FARP2: variants seen among roughly 807,000 people sequenced by gnomAD.
The protein encoded by FARP2 is FERM, ARH/RhoGEF and pleckstrin domain protein 2, also known as FERM, ARHGEF and pleckstrin domain-containing protein 2.
A neutral mutation model predicts 130.5 loss-of-function variants in FARP2; 111 were observed. The ratio of observed to expected loss-of-function variants is 0.85; its 90% CI spans 0.73 to 1.00. FARP2 has a LOEUF of 1.00. FARP2 is among the 50% of genes least tolerant of loss of function. The probability of loss-of-function intolerance (pLI) is 0.00; values close to 1 mark genes in which losing one functional copy is unlikely to be tolerated. For synonymous variants in FARP2, 504 were observed against 516.9 expected (o/e 0.98, Z 0.34); for missense variants, 1,385 against 1,346.3 (o/e 1.03, Z -0.45).
Position 241,374,043 on chromosome 2 carries a change from T to C in FARP2, c.183+753T>C, listed in dbSNP as rs114944553. ...TTTTTTTTTTTGAGAAAGGGTGTTGTTCTGTCAACCCAGGCTGGAGTGCAG... is the reference window on the plus strand; with the variant it reads ...TTTTTTTTTTTGAGAAAGGGTGTTGCTCTGTCAACCCAGGCTGGAGTGCAG... On this transcript the variant is annotated intron_variant, in intron 2 of 26. Coordinates refer to ENST00000264042, the MANE Select transcript of FARP2 (RefSeq NM_014808.4). Among the ~76,000 whole-genome samples the C allele has an allele frequency of 4.3e-3, 656 of 151,842 alleles. 4 individuals carry two copies. The highest frequency in any genetic ancestry group is 7.1e-3 in the Non-Finnish European group (485 of 67,912).
At chr2:241,438,803 T>TG (rs55798010) in intron 12 of FARP2, among the ~76,000 whole-genome samples, 151,699 of 151,708 alleles carry the variant, frequency 1, 75,845 homozygotes, top group Middle Eastern at 1. Flanking sequence ...TAATTTTTTT[T>TG]TATTTTTCAG....
chr2:241,419,009 C>G (rs1449646674), intron 8 of FARP2, among the ~76,000 whole-genome samples: 1 of 152,148 alleles, frequency 6.6e-6, no homozygotes, highest in Non-Finnish European at 1.5e-5. Context: ...CTATTGCAGT[C>G]TGGGAGCCCA....
At chr2:241,412,314 A>T (rs1460397486) in intron 6 of FARP2, among the ~76,000 whole-genome samples, 1 of 152,158 alleles carries the variant, frequency 6.6e-6, no homozygotes, top group Non-Finnish European at 1.5e-5. Context: ...GGTCCCTCCC[A>T]CAGTAAGTGG....
chr2:241,393,744 A>C (rs565274444), intron 2 of FARP2, among the ~76,000 whole-genome samples: 1 of 152,350 alleles, frequency 6.6e-6, no homozygotes, highest in Admixed American at 6.5e-5. Context: ...GTACTTTGTT[A>C]GCCAGGCCTT....
Position 241,425,741 on chromosome 2 carries a change from C to CT in FARP2, c.772-5918dup, listed in dbSNP as rs34033002. Among the ~76,000 whole-genome samples, 115 of 111,214 alleles carry CT rather than the reference C, an allele frequency of 1.0e-3. 2 individuals carry two copies. Among genetic ancestry groups the CT allele is most frequent in the South Asian group, 3.1e-3 (10 of 3,274 alleles). The allele number at this position is 111,214 out of a possible 152,430, so 73.0% of individuals were successfully genotyped here. On this transcript the variant is annotated intron_variant, in intron 8 of 26. Transcript: ENST00000264042. ...GAGCTGGTACAATTTCTCTCTCTCT[C>CT]TTTTTTTTTTTTTTTTTTTTGAGAC...
chr2:241,445,826 C>T (rs565881992), intron 13 of FARP2: 1 of 152,386 alleles, frequency 6.6e-6, no homozygotes, highest in African/African-American at 2.4e-5. Context: ...TTGTCATCCT[C>T]CGCCCGCAGT....
chr2:241,383,348 C>T (rs2150316209), intron 2 of FARP2, among the ~76,000 whole-genome samples: 1 of 152,384 alleles, frequency 6.6e-6, no homozygotes, highest in South Asian at 2.1e-4. Context: ...TGGAGATCCA[C>T]ATCCCACACT....
chr2:241,478,629 A>T, intron 19 of FARP2: 1 of 511,040 alleles, frequency 2.0e-6, no homozygotes, highest in Non-Finnish European at 4.0e-6. Flanking sequence ...CTGGTGATTA[A>T]CAAAGACCTT....
chr2:241,428,085 G>A (rs1006961344), intron 8 of FARP2, among the ~76,000 whole-genome samples: 2 of 152,044 alleles, frequency 1.3e-5, no homozygotes, highest in African/African-American at 2.4e-5. Context: ...GGTTTTTTAA[G>A]ACTCTGTCCT....
rs547766885 is a variant in FARP2 at position 241,385,785 on chromosome 2, A to G, written c.183+12495A>G. ...CACACCCAGAATTAACGTCTTCAACATTTACGTCATATCATCCATTTAACT... is the reference window on the plus strand; with the variant it reads ...CACACCCAGAATTAACGTCTTCAACGTTTACGTCATATCATCCATTTAACT... On this transcript the variant is annotated intron_variant, in intron 2 of 26. Transcript: ENST00000264042. 7.9e-5 allele frequency among the ~76,000 whole-genome samples: 12 copies of G among 152,256 alleles called. No homozygotes were observed. In the South Asian group the frequency reaches 2.5e-3, roughly 32 times the overall value.
chr2:241,399,905 T>A (rs896241499), intron 2 of FARP2, among the ~76,000 whole-genome samples: 5 of 152,214 alleles, frequency 3.3e-5, no homozygotes, highest in African/African-American at 1.2e-4. Context: ...GCACCATTCA[T>A]GAAAAGATCA....
intron 7 of FARP2, among the ~76,000 whole-genome samples, chr2:241,414,479 T>A (rs969847375): frequency 1.3e-5 from 2 of 152,234 alleles, no homozygotes; most frequent in African/African-American, 4.8e-5. Flanking sequence ...CGGGACCTGC[T>A]GGCAGCTGCC....
At chr2:241,436,672 C>T in intron 12 of FARP2, 134 bp downstream of exon 12, 2 of 788,156 alleles carry the variant, frequency 2.5e-6, no homozygotes, top group East Asian at 2.7e-5. Context: ...TCCTGGGACT[C>T]TGTTTTCAGA....
intron 2 of FARP2, 62 bp from the exon 3 acceptor site, chr2:241,403,766 T>C: frequency 9.8e-7 from 1 of 1,017,626 alleles, no homozygotes; most frequent in Non-Finnish European, 1.5e-6. Flanking sequence ...TGCACAGTTT[T>C]CATAAACCCT....
chr2:241,467,502 G>T (rs1157777080), intron 17 of FARP2, among the ~76,000 whole-genome samples: 2 of 152,068 alleles, frequency 1.3e-5, no homozygotes, highest in African/African-American at 4.8e-5. Context: ...TTTAAAAAAT[G>T]AGCCGGGCGT....
intron 2 of FARP2, among the ~76,000 whole-genome samples, chr2:241,379,068 C>T (rs1156848858): frequency 6.6e-6 from 1 of 152,144 alleles, no homozygotes; most frequent in African/African-American, 2.4e-5. Flanking sequence ...CAGCTCCAAA[C>T]CATGCCAGGT....
chr2:241,374,209 G>A (rs1412740791), intron 2 of FARP2, among the ~76,000 whole-genome samples: 3 of 151,994 alleles, frequency 2.0e-5, no homozygotes, highest in Admixed American at 1.3e-4. Flanking sequence ...ACAGGGTTTT[G>A]CCATGTTGCC....
chr2:241,468,436 G>A (rs1046159280), intron 18 of FARP2, 59 bp downstream of exon 18: 20 of 1,383,226 alleles, frequency 1.4e-5, no homozygotes, highest in Non-Finnish European at 2.0e-5. Context: ...GGAGGCAGGG[G>A]CGGCTTTGCC....
rs547764033 is a variant in FARP2 at position 241,434,335 on chromosome 2, C to T, written c.1031+14C>T. On this transcript the variant is annotated intron_variant, in intron 10 of 26. Coordinates refer to ENST00000264042, the MANE Select transcript of FARP2 (RefSeq NM_014808.4). ...CTTCAGATACAGGTAGGGGCCATGC[C>T]GTGGCTTGCATGGGCCCCTCACTGG... The T allele has an allele frequency of 3.8e-5, 60 of 1,578,316 alleles. No homozygotes were observed. The highest frequency in any genetic ancestry group is 1.7e-4 in the Middle Eastern group (1 of 5,896).
Sources: allele counts gnomAD v4.1 joint callset (sites outside exome capture counted in the v4.1 genomes callset), GRCh38; gene constraint gnomAD v4.1.1; transcripts MANE v1.5; gene names NCBI Gene and HGNC (gene_info 2026-07-23, HGNC 2026-07-21).